KLF9: variants seen among roughly 807,000 people sequenced by gnomAD.
KLF9 encodes KLF transcription factor 9.
A neutral mutation model predicts 17.3 loss-of-function variants in KLF9; 2 were observed. The observed-to-expected ratio is 0.12, with a 90% CI of 0.05 to 0.36. KLF9 has a LOEUF of 0.36. Among genes scored for constraint, KLF9 ranks in the 10% least tolerant of loss-of-function variants. The pLI, the probability that KLF9 is intolerant of heterozygous loss-of-function variation, is 1.00. For synonymous variants in KLF9, 138 were observed against 139.2 expected (o/e 0.99, Z 0.06); for missense variants, 226 against 333.2 (o/e 0.68, Z 2.51).
chr9:70,409,072 GTATATA>G (rs1277143958), intron 1 of KLF9, among the ~76,000 whole-genome samples: 1 of 102,834 alleles, frequency 9.7e-6, no homozygotes, highest in Non-Finnish European at 2.0e-5. Context: ...ATATATATGT[GTATATA>G]TATACACATA....
rs770001036 is a variant in KLF9, at chr9:70,387,795, G to A, written c.716C>T (p.Ala239Val). 1.9e-6 allele frequency: 3 copies of A among 1,613,918 alleles called. No individual in the cohort carries two copies. In the East Asian group the frequency reaches 6.7e-5, roughly 36 times the overall value. ...HPSMIKRSKK[A>V]LANAL The stretch of plus-strand genomic sequence containing the variant: ...AGCACCTCACAAAGCGTTGGCCAGC[G>A]CCTTTTTCGATCGCTTGATCATGCT... The change falls in exon 2 of 2, where the codon GCG becomes GTG. Residue 239 changes from alanine to valine, a missense_variant. Coordinates refer to ENST00000377126, the MANE Select transcript of KLF9 (RefSeq NM_001206.4).
chr9:70,410,550 A>C (rs148085209), intron 1 of KLF9, among the ~76,000 whole-genome samples: 20 of 152,274 alleles, frequency 1.3e-4, no homozygotes, highest in African/African-American at 4.6e-4. Context: ...ATGAAGTGGC[A>C]GCTGTATGTG....
At chr9:70,397,245 G>T (rs369493315) in intron 1 of KLF9, among the ~76,000 whole-genome samples, 1 of 152,034 alleles carries the variant, frequency 6.6e-6, no homozygotes, top group Non-Finnish European at 1.5e-5. Flanking sequence ...GAGGCCAAGG[G>T]GGGTGGATCG....
chr9:70,389,223 T>G (rs2037136133), intron 1 of KLF9, among the ~76,000 whole-genome samples: 1 of 152,154 alleles, frequency 6.6e-6, no homozygotes, highest in South Asian at 2.1e-4. Context: ...ATGTCTTTCT[T>G]TAATCTCTTC....
chr9:70,394,959 C>T (rs1452716955), intron 1 of KLF9, among the ~76,000 whole-genome samples: 1 of 152,146 alleles, frequency 6.6e-6, no homozygotes. Flanking sequence ...ATTTCTTTTT[C>T]TAGAACTTGA....
At chr9:70,398,092 G>A (rs775399384) in intron 1 of KLF9, among the ~76,000 whole-genome samples, 21 of 152,198 alleles carry the variant, frequency 1.4e-4, no homozygotes, top group Non-Finnish European at 2.9e-4. Context: ...GAATAAAAAT[G>A]TTAAATAGGC....
chr9:70,391,075 T>C (rs550958149), intron 1 of KLF9, among the ~76,000 whole-genome samples: 1 of 152,062 alleles, frequency 6.6e-6, no homozygotes, highest in Non-Finnish European at 1.5e-5. Flanking sequence ...CACTGGCATG[T>C]GTACTCATTT....
intron 1 of KLF9, among the ~76,000 whole-genome samples, chr9:70,395,084 T>C (rs1025224665): frequency 6.6e-6 from 1 of 152,208 alleles, no homozygotes; most frequent in African/African-American, 2.4e-5. Context: ...TAAAATGGAT[T>C]ATTAAAGCTG....
intron 1 of KLF9, among the ~76,000 whole-genome samples, chr9:70,399,731 C>G (rs1310257199): frequency 6.6e-6 from 1 of 152,210 alleles, no homozygotes; most frequent in Non-Finnish European, 1.5e-5. Context: ...GAAAGAAGAG[C>G]CTGGACTCAA....
At chr9:70,410,027 T>C (rs2037298260) in intron 1 of KLF9, among the ~76,000 whole-genome samples, 2 of 152,204 alleles carry the variant, frequency 1.3e-5, no homozygotes, top group Non-Finnish European at 2.9e-5. Flanking sequence ...ACCTGTGACT[T>C]GAGGATAGTA....
chr9:70,413,487 G>C lies in KLF9; in HGVS notation c.-124C>G. The stretch of plus-strand genomic sequence containing the variant: ...GGCGCGGCACGGCGCGGCGGCCAAG[G>C]GGGCGGGGGCGCGGGGCGCTTCCGA... On this transcript the variant is annotated 5_prime_UTR_variant, in exon 1 of 2. Coordinates refer to ENST00000377126, the MANE Select transcript of KLF9 (RefSeq NM_001206.4). The surrounding 1 kb of genome is among the most constrained non-coding windows in gnomAD (Gnocchi z 5.6). The C allele has an allele frequency of 9.4e-7, 1 of 1,062,798 alleles. No homozygotes were observed. 65.8% of individuals were successfully genotyped at this position (1,062,798 alleles called of 1,614,324 possible).
At chr9:70,392,722 T>G (rs1243937712) in intron 1 of KLF9, among the ~76,000 whole-genome samples, 1 of 152,102 alleles carries the variant, frequency 6.6e-6, no homozygotes, top group Non-Finnish European at 1.5e-5. Flanking sequence ...TCTGGCAGCC[T>G]GGGGGAAACC....
chr9:70,395,447 T>C (rs536702483), intron 1 of KLF9, among the ~76,000 whole-genome samples: 37 of 152,270 alleles, frequency 2.4e-4, no homozygotes, highest in Admixed American at 1.6e-3. Context: ...ACTTGAAGGA[T>C]AGTTTTGAAT....
At chr9:70,396,306 A>C (rs55662714) in intron 1 of KLF9, among the ~76,000 whole-genome samples, 3,669 of 152,356 alleles carry the variant, frequency 0.024, 130 homozygotes, top group African/African-American at 0.083. Flanking sequence ...AAATGCTCAA[A>C]AATAAAGGGC....
chr9:70,413,654 G>T lies in KLF9; in HGVS notation c.-291C>A. The stretch of plus-strand genomic sequence containing the variant: ...TGCCCCGCGCCGGCCGCGATCCCCC[G>T]ACGGGCGCGCCGGCCCCTCTGAGCC... On this transcript the variant is annotated 5_prime_UTR_variant, in exon 1 of 2. Transcript: ENST00000377126. The surrounding 1 kb of genome is among the most constrained non-coding windows in gnomAD (Gnocchi z 5.6). The T allele has an allele frequency of 6.1e-6, 1 of 164,630 alleles. No individual in the cohort carries two copies. Among genetic ancestry groups the T allele is most frequent in the South Asian group, 1.8e-4 (1 of 5,688 alleles). 10.2% of individuals were successfully genotyped at this position (164,630 alleles called of 1,614,324 possible). A position where few individuals can be genotyped will look rare whatever the true frequency, so the allele number is the denominator to read the frequency against.
intron 1 of KLF9, among the ~76,000 whole-genome samples, chr9:70,392,406 G>A (rs1472120389): frequency 1.3e-5 from 2 of 152,178 alleles, no homozygotes; most frequent in Non-Finnish European, 2.9e-5. Flanking sequence ...CCAGTGGTGT[G>A]TACGCAGGCT....
chr9:70,405,269 C>CGGA (rs77794846), intron 1 of KLF9, among the ~76,000 whole-genome samples: 3,368 of 152,278 alleles, frequency 0.022, 47 homozygotes, highest in Non-Finnish European at 0.037. Context: ...TCCACAAGGA[C>CGGA]GGAGGCTCAG....
At chr9:70,388,652 T>G (rs1370103330) in intron 1 of KLF9, among the ~76,000 whole-genome samples, 4 of 152,166 alleles carry the variant, frequency 2.6e-5, no homozygotes, top group East Asian at 1.9e-4. Flanking sequence ...TTTCTTGGTG[T>G]TGTAGGATGG....
intron 1 of KLF9, among the ~76,000 whole-genome samples, chr9:70,403,163 TA>T (rs1297201101): frequency 6.6e-6 from 1 of 152,000 alleles, no homozygotes; most frequent in Non-Finnish European, 1.5e-5. Context: ...AAAATACAAA[TA>T]AAAATAAATA....
Sources: gnomAD v4.1 joint callset for allele counts (sites outside exome capture counted in the v4.1 genomes callset) on GRCh38, gnomAD v4.1.1 for gene constraint, Gnocchi (gnomAD v3.1) non-coding constraint, MANE v1.5 for transcripts, NCBI Gene and HGNC (gene_info 2026-07-23, HGNC 2026-07-21) for gene names.